The following NCAM1 variants were observed in gnomAD, a reference collection of about 807,000 sequenced individuals.
The protein encoded by NCAM1 is antigen recognized by monoclonal antibody 5.1H11.
NCAM1 carries 14 observed loss-of-function variants against 109.8 expected under a neutral mutation model. That is an observed-to-expected ratio of 0.13 (90% CI 0.08 to 0.20). The LOEUF is 0.20. Among genes scored for constraint, NCAM1 ranks in the 10% least tolerant of loss-of-function variants. The probability of loss-of-function intolerance (pLI) is 1.00; values close to 1 mark genes in which losing one functional copy is unlikely to be tolerated. For synonymous variants in NCAM1, 418 were observed against 442.9 expected, an observed-to-expected ratio of 0.94 and a Z score of 0.70; for missense variants, 774 against 1,109.9, an observed-to-expected ratio of 0.70 and a Z score of 4.30.
intron 1 of NCAM1, among the ~76,000 whole-genome samples, chr11:112,998,103 G>C (rs1555071732): frequency 6.6e-6 from 1 of 152,160 alleles, no homozygotes; most frequent in Non-Finnish European, 1.5e-5. Flanking sequence ...ACTCAGTGAG[G>C]AACTTGAGGC....
chr11:112,988,454 T>C (rs1269192662), intron 1 of NCAM1, among the ~76,000 whole-genome samples: 1 of 152,210 alleles, frequency 6.6e-6, no homozygotes, highest in Non-Finnish European at 1.5e-5. Flanking sequence ...TTAGCATTTT[T>C]TTTGTAGGGC....
chr11:113,269,679 T>C (rs1284816696), intron 17 of NCAM1: 6 of 182,332 alleles, frequency 3.3e-5, no homozygotes, highest in Non-Finnish European at 5.8e-5. Context: ...TGGAGAAGTA[T>C]AATGGGGATG....
intron 1 of NCAM1, among the ~76,000 whole-genome samples, chr11:113,065,005 C>G (rs181564536): frequency 6.6e-6 from 1 of 152,100 alleles, no homozygotes; most frequent in African/African-American, 2.4e-5. Flanking sequence ...ATCTTGGTTT[C>G]TGATGCTAGG....
intron 1 of NCAM1, among the ~76,000 whole-genome samples, chr11:113,180,207 A>G (rs969811989): frequency 6.6e-6 from 1 of 152,148 alleles, no homozygotes; most frequent in Non-Finnish European, 1.5e-5. Flanking sequence ...CACAGGTATG[A>G]CTGAGCACTC....
chr11:112,961,711 C>A, intron 1 of NCAM1, 47 bp downstream of exon 1: 1 of 1,188,454 alleles, frequency 8.4e-7, no homozygotes, highest in Non-Finnish European at 1.2e-6. Flanking sequence ...GCTAATTACC[C>A]CTTCCTCCTA....
intron 1 of NCAM1, among the ~76,000 whole-genome samples, chr11:113,104,322 G>T (rs913753866): frequency 1.3e-5 from 2 of 151,788 alleles, no homozygotes; most frequent in Non-Finnish European, 2.9e-5. Flanking sequence ...TACTACAAGG[G>T]TGAAGAGTTT....
chr11:112,994,105 A>G (rs1441190527), intron 1 of NCAM1, among the ~76,000 whole-genome samples: 1 of 152,264 alleles, frequency 6.6e-6, no homozygotes, highest in African/African-American at 2.4e-5. Context: ...AGCTTTGAGC[A>G]AAATTTCAAG....
intron 1 of NCAM1, among the ~76,000 whole-genome samples, chr11:113,105,969 G>A (rs1160504103): frequency 2.6e-5 from 4 of 151,956 alleles, no homozygotes; most frequent in Non-Finnish European, 2.9e-5. Context: ...TGTTAATATC[G>A]TTTTGTCATC....
At chr11:113,124,405 A>T (rs1170046282) in intron 1 of NCAM1, among the ~76,000 whole-genome samples, 2 of 152,188 alleles carry the variant, frequency 1.3e-5, no homozygotes, top group Non-Finnish European at 2.9e-5. Flanking sequence ...AGTCCTACTC[A>T]GGACTCTGCT....
intron 1 of NCAM1, among the ~76,000 whole-genome samples, chr11:113,147,686 A>G (rs10502169): frequency 0.12 from 18,652 of 152,262 alleles, 1,260 homozygotes; most frequent in East Asian, 0.26. Flanking sequence ...AATACGTAAC[A>G]CAGCCAGATA....
intron 9 of NCAM1, among the ~76,000 whole-genome samples, chr11:113,228,150 T>G (rs2137182714): frequency 6.6e-6 from 1 of 152,336 alleles, no homozygotes; most frequent in Non-Finnish European, 1.5e-5. Context: ...ATTGTCCCTG[T>G]TTGCAGATGA....
At chr11:113,115,052 T>C (rs543220230) in intron 1 of NCAM1, among the ~76,000 whole-genome samples, 121 of 152,230 alleles carry the variant, frequency 7.9e-4, no homozygotes, top group Non-Finnish European at 1.1e-3. Context: ...ACATAACTAA[T>C]AAATAGTACC....
At chr11:113,190,814 G>A (rs1943654174) in intron 1 of NCAM1, among the ~76,000 whole-genome samples, 2 of 152,050 alleles carry the variant, frequency 1.3e-5, no homozygotes, top group Admixed American at 1.3e-4. Flanking sequence ...GTGGGGGTGG[G>A]GAATGGACTC....
At chr11:113,201,098 T>A (rs1944041746) in intron 1 of NCAM1, among the ~76,000 whole-genome samples, 1 of 152,078 alleles carries the variant, frequency 6.6e-6, no homozygotes, top group East Asian at 1.9e-4. Context: ...CACCTCTTTC[T>A]CTCTGAAGCC....
chr11:113,204,134 TC>T, intron 2 of NCAM1, among the ~76,000 whole-genome samples, 151 bp from the exon 3 acceptor site: 1 of 152,318 alleles, frequency 6.6e-6, no homozygotes, highest in African/African-American at 2.4e-5. Context: ...GGGCTGCATG[TC>T]ATTCCAGCAG....
At chr11:113,062,478 C>G (rs144506174) in intron 1 of NCAM1, among the ~76,000 whole-genome samples, 1 of 152,134 alleles carries the variant, frequency 6.6e-6, no homozygotes, top group East Asian at 1.9e-4. Flanking sequence ...GTTATCTGCC[C>G]TCATGAATCT....
chr11:113,181,482 C>T (rs1555107934), intron 1 of NCAM1, among the ~76,000 whole-genome samples: 3 of 152,134 alleles, frequency 2.0e-5, no homozygotes, highest in Admixed American at 6.5e-5. Flanking sequence ...CACGTGGACA[C>T]ATGGGATGCG....
chr11:113,240,889 T>G (rs949732519), intron 14 of NCAM1: 1 of 1,544,450 alleles, frequency 6.5e-7, no homozygotes. Flanking sequence ...CCAGCCACAG[T>G]TTGTTTTGCC....
At chr11:113,042,361 C>T (rs529188537) in intron 1 of NCAM1, among the ~76,000 whole-genome samples, 2 of 152,350 alleles carry the variant, frequency 1.3e-5, no homozygotes, top group Non-Finnish European at 2.9e-5. Context: ...CAACCTCGGC[C>T]TCAGGCCTCT....
Sources: gnomAD v4.1 joint callset for allele counts (sites outside exome capture counted in the v4.1 genomes callset) on GRCh38, gnomAD v4.1.1 for gene constraint, MANE v1.5 for transcripts, NCBI Gene and HGNC (gene_info 2026-07-23, HGNC 2026-07-21) for gene names.